The following MBLAC1 variants were observed in gnomAD, a reference collection of about 807,000 sequenced individuals.
MBLAC1 encodes the protein metallo-beta-lactamase domain containing 1, also known as metallo-beta-lactamase domain-containing protein 1.
Under a neutral mutation model 1.5 loss-of-function variants are expected in MBLAC1, and 1 was observed. The ratio of observed to expected loss-of-function variants is 0.68; its 90% confidence interval spans 0.24 to 3.21. MBLAC1 has a LOEUF of 3.21. Among genes scored for constraint, MBLAC1 ranks in the 30% most tolerant of loss-of-function variants. The pLI, the probability that MBLAC1 is intolerant of heterozygous loss-of-function variation, is 0.20. For synonymous variants in MBLAC1, 197 were observed against 191.3 expected (o/e 1.03, Z -0.25); for missense variants, 371 against 384.7 (o/e 0.96, Z 0.30).
Position 100,128,328 on chromosome 7 carries a change from GTGC to G in MBLAC1, c.*133_*135del. On this transcript the variant is annotated 3_prime_UTR_variant, in exon 2 of 2. Coordinates refer to ENST00000398075, the MANE Select transcript of MBLAC1 (RefSeq NM_203397.3). ...AGGCCAGTTTTCTAGTGAAGACAGA[GTGC>G]ACCTGACACTGCCATCACATCGTCA... is the stretch of plus-strand genomic sequence containing the variant. 1.5e-5 allele frequency: 11 copies of G among 755,954 alleles called. No individual in the cohort carries two copies. The highest frequency in any genetic ancestry group is 5.7e-5 in the South Asian group (3 of 52,916). 46.8% of individuals were successfully genotyped at this position (755,954 alleles called of 1,614,324 possible).
chr7:100,127,716 G>A lies in MBLAC1; in HGVS notation c.321G>A (p.Val107=). The change falls in exon 2 of 2, where the codon GTG becomes GTA. Residue 107 remains valine (V), a synonymous_variant. Transcript: ENST00000398075. The surrounding 1 kb of genome is among the most constrained non-coding windows in gnomAD (Gnocchi z 4.6). ...LAGQGVAPGD[V]TLVVGTHGHS... is the part of the protein sequence containing the mutation. The stretch of plus-strand genomic sequence containing the variant: ...GGCAGGGCGTGGCCCCGGGAGACGT[G>A]ACGCTAGTGGTGGGGACCCACGGGC... 6.8e-7 allele frequency: 1 copy of A among 1,461,342 alleles called. No individual in the cohort carries two copies. The allele number at this position is 1,461,342 out of a possible 1,614,324, so 90.5% of individuals were successfully genotyped here. A position where few individuals can be genotyped will look rare whatever the true frequency, so the allele number is the denominator to read the frequency against.
rs1421582445 is a variant in MBLAC1, at chr7:100,126,983, GA to G, written c.-108del. 2 of 168,114 alleles carry G rather than the reference GA, an allele frequency of 1.2e-5. No homozygotes were observed. Among genetic ancestry groups the G allele is most frequent in the African/African-American group, 4.8e-5 (2 of 42,046 alleles). The allele number at this position is 168,114 out of a possible 1,614,324, so 10.4% of individuals were successfully genotyped here. A position where few individuals can be genotyped will look rare whatever the true frequency, so the allele number is the denominator to read the frequency against. ...TCGGCCGCCATATCTGGGTACACGGGAACCGCAGAGGACAAACTCTCACCCG... is the reference window on the plus strand; with the variant it reads ...TCGGCCGCCATATCTGGGTACACGGGACCGCAGAGGACAAACTCTCACCCG... On this transcript the variant is annotated 5_prime_UTR_variant, in exon 1 of 2. Coordinates refer to ENST00000398075, the MANE Select transcript of MBLAC1 (RefSeq NM_203397.3).
In MBLAC1 at chr7:100,127,702, G is replaced by C. The variant is rs1798262758; in HGVS notation, c.307G>C (p.Ala103Pro). Residue 103 changes from alanine (A) to proline (P), a missense_variant, in exon 2 of 2, where the codon GCC becomes CCC. Ala to Pro is a conservative substitution (Grantham distance 27). Transcript: ENST00000398075. The surrounding 1 kb of genome is among the most constrained non-coding windows in gnomAD (Gnocchi z 4.6). ...GGGGGCGCTGGCGGGGCAGGGCGTG[G>C]CCCCGGGAGACGTGACGCTAGTGGT... The part of the protein sequence containing the change: ...LLGALAGQGV[A>P]PGDVTLVVGT... The C allele has an allele frequency of 6.9e-7, 1 of 1,442,614 alleles. No homozygotes were observed. The highest frequency in any genetic ancestry group is 9.1e-7 in the Non-Finnish European group (1 of 1,100,134). The allele number at this position is 1,442,614 out of a possible 1,614,324, so 89.4% of individuals were successfully genotyped here.
chr7:100,128,076 C>A lies in MBLAC1; in HGVS notation c.681C>A (p.Val227=). 2.5e-6 allele frequency: 4 copies of A among 1,611,612 alleles called. No individual in the cohort carries two copies. Among genetic ancestry groups the A allele is most frequent in the Non-Finnish European group, 2.5e-6 (3 of 1,179,124 alleles). The part of the protein sequence containing the change: ...RKRVLVVADV[V]VPGHGPPFRV... ...GGGTCCTGGTCGTTGCCGACGTGGT[C>A]GTACCTGGTCACGGGCCCCCCTTTC... The change falls in exon 2 of 2, where the codon GTC becomes GTA. Residue 227 remains valine (V), a synonymous_variant. Coordinates refer to ENST00000398075, the MANE Select transcript of MBLAC1 (RefSeq NM_203397.3).
Position 100,128,267 on chromosome 7 carries a change from G to T in MBLAC1, c.*71G>T. On this transcript the variant is annotated 3_prime_UTR_variant, in exon 2 of 2. Transcript: ENST00000398075. ...CGAAGAGCTGCTGGAGACAGAGTCA[G>T]AGCAGTCAAGGGTGGGAGCTTCCAG... is the stretch of plus-strand genomic sequence containing the variant. The T allele has an allele frequency of 5.6e-6, 8 of 1,433,492 alleles. No homozygotes were observed. The highest frequency in any genetic ancestry group is 6.6e-6 in the Non-Finnish European group (7 of 1,062,694). The allele number at this position is 1,433,492 out of a possible 1,614,324, so 88.8% of individuals were successfully genotyped here.
In MBLAC1 at chr7:100,127,846, G is replaced by T; in HGVS notation, c.451G>T (p.Glu151Ter). 3 of 1,562,694 alleles carry T rather than the reference G, an allele frequency of 1.9e-6. No homozygotes were observed. The highest frequency in any genetic ancestry group is 2.6e-6 in the Non-Finnish European group (3 of 1,152,606). The change falls in exon 2 of 2, where the codon GAG (glutamate) becomes TAG (stop). Residue 151 changes from glutamate (E) to a stop codon, truncating the protein, a stop_gained. Transcript: ENST00000398075. LOFTEE classifies it low-confidence loss of function (END_TRUNC). This position sits in a 1 kb window ranked among gnomAD's most constrained non-coding sequence, Gnocchi z 4.6. ...GGRYLPHGLG[E>*]GQPLRLGPGL... ...CCGCTACCTGCCCCACGGGCTGGGT[G>T]AGGGGCAGCCCCTGCGCCTGGGCCC...
chr7:100,127,225 G>T lies in MBLAC1; in HGVS notation c.-28-143G>T. On this transcript the variant is annotated intron_variant, in intron 1 of 1. Transcript: ENST00000398075. The surrounding 1 kb of genome is among the most constrained non-coding windows in gnomAD (Gnocchi z 4.6). ...AGGGAGTCTGGGCGATACCATTTTG[G>T]GCAGGGGTTGAGGGTGATACCAACT... is the stretch of plus-strand genomic sequence containing the variant. 1.6e-6 allele frequency: 1 copy of T among 622,452 alleles called. No homozygotes were observed. Among genetic ancestry groups the T allele is most frequent in the Non-Finnish European group, 2.7e-6 (1 of 373,642 alleles). The allele number at this position is 622,452 out of a possible 1,614,324, so 38.6% of individuals were successfully genotyped here. A position where few individuals can be genotyped will look rare whatever the true frequency, so the allele number is the denominator to read the frequency against.
Position 100,127,163 on chromosome 7 carries a change from G to C in MBLAC1, c.-29+99G>C. ...GTACCGCGAACGGAATGGGGCGGGG[G>C]CCGAGGACGCCGAGGGAGGGGCGGG... On this transcript the variant is annotated intron_variant, in intron 1 of 1. Transcript: ENST00000398075. The surrounding 1 kb of genome is among the most constrained non-coding windows in gnomAD (Gnocchi z 4.6). The C allele has an allele frequency of 1.8e-6, 1 of 540,610 alleles. No individual in the cohort carries two copies. The highest frequency in any genetic ancestry group is 3.3e-6 in the Non-Finnish European group (1 of 305,902). The allele number at this position is 540,610 out of a possible 1,614,324, so 33.5% of individuals were successfully genotyped here. A position where few individuals can be genotyped will look rare whatever the true frequency, so the allele number is the denominator to read the frequency against.
At position 100,127,786 on chromosome 7, in the gene MBLAC1, C is replaced by G; in HGVS notation, c.391C>G (p.Leu131Val). ...CTTGGGGCTGTTCCCAGGCGCGGCT[C>G]TGCTGGTCTCGCACGACTTCTGCCT... ...GNLGLFPGAALLVSHDFCLPG... is the reference protein window; with the variant it reads ...GNLGLFPGAAVLVSHDFCLPG... Residue 131 changes from leucine (L) to valine (V), a missense_variant, in exon 2 of 2, where the codon CTG becomes GTG. By Grantham distance (32) the Leu-to-Val change is conservative. Transcript: ENST00000398075. The surrounding 1 kb of genome is among the most constrained non-coding windows in gnomAD (Gnocchi z 4.6). The G allele has an allele frequency of 6.3e-7, 1 of 1,578,240 alleles. No homozygotes were observed. Among genetic ancestry groups the G allele is most frequent in the Non-Finnish European group, 8.6e-7 (1 of 1,162,470 alleles).
Position 100,127,370 on chromosome 7 carries a change from C to A in MBLAC1, c.-26C>A, listed in dbSNP as rs757203102. On this transcript the variant is annotated splice_region_variant and 5_prime_UTR_variant, in exon 2 of 2. Coordinates refer to ENST00000398075, the MANE Select transcript of MBLAC1 (RefSeq NM_203397.3). This position sits in a 1 kb window ranked among gnomAD's most constrained non-coding sequence, Gnocchi z 4.6. ...TGCTCCATTTCCTTTCTCCCCAGCCCGTCCCTCCCTGCCAGGAGCAGCCTC... is the reference window on the plus strand; with the variant it reads ...TGCTCCATTTCCTTTCTCCCCAGCCAGTCCCTCCCTGCCAGGAGCAGCCTC... 38 of 1,561,132 alleles carry A rather than the reference C, an allele frequency of 2.4e-5. No homozygotes were observed. Among genetic ancestry groups the A allele is most frequent in the Non-Finnish European group, 3.0e-5 (35 of 1,162,380 alleles).
chr7:100,127,947 G>T lies in MBLAC1; in HGVS notation c.552G>T (p.Leu184=). 1 of 1,601,440 alleles carries T rather than the reference G, an allele frequency of 6.2e-7. No homozygotes were observed. The highest frequency in any genetic ancestry group is 2.3e-5 in the East Asian group (1 of 44,188). ...DVSVVVAGTA[L]GTVVVAGDVF... Reference sequence around the variant, plus strand: ...GCGTGGTGGTGGCCGGCACGGCTCTGGGCACCGTGGTGGTGGCGGGAGATG... The same window carrying T: ...GCGTGGTGGTGGCCGGCACGGCTCTTGGCACCGTGGTGGTGGCGGGAGATG... The change falls in exon 2 of 2, where the codon CTG becomes CTT. Residue 184 remains leucine, a synonymous_variant. Transcript: ENST00000398075. This position sits in a 1 kb window ranked among gnomAD's most constrained non-coding sequence, Gnocchi z 4.6.
chr7:100,127,349 C>T lies in MBLAC1; in HGVS notation c.-28-19C>T, dbSNP rs1487101258. On this transcript the variant is annotated intron_variant, in intron 1 of 1. Transcript: ENST00000398075. This position sits in a 1 kb window ranked among gnomAD's most constrained non-coding sequence, Gnocchi z 4.6. ...AGGGACAGGACGGTCGCCCACTGCT[C>T]CATTTCCTTTCTCCCCAGCCCGTCC... 4.6e-6 allele frequency: 7 copies of T among 1,511,654 alleles called. No homozygotes were observed. Among genetic ancestry groups the T allele is most frequent in the Non-Finnish European group, 6.2e-6 (7 of 1,132,422 alleles). The allele number at this position is 1,511,654 out of a possible 1,614,324, so 93.6% of individuals were successfully genotyped here.
In MBLAC1 at chr7:100,127,875, G is replaced by A. The variant is rs968579828; in HGVS notation, c.480G>A (p.Gly160=). ...GGCAGCCCCTGCGCCTGGGCCCGGG[G>A]CTCGAGGTGTGGGCCACGCCGGGCC... ...GEGQPLRLGP[G]LEVWATPGHG... is the part of the protein sequence containing the mutation. The change falls in exon 2 of 2, where the codon GGG becomes GGA. Residue 160 remains glycine, a synonymous_variant. Transcript: ENST00000398075. This position sits in a 1 kb window ranked among gnomAD's most constrained non-coding sequence, Gnocchi z 4.6. 10 of 1,560,562 alleles carry A rather than the reference G, an allele frequency of 6.4e-6. 1 individual carries two copies. The highest frequency in any genetic ancestry group is 5.8e-5 in the Admixed American group (3 of 51,824).
Position 100,128,056 on chromosome 7 carries a change from CTGGTCGTTGCCGACG to C in MBLAC1, c.669_683del (p.Ala224_Val228del). The C allele has an allele frequency of 6.2e-7, 1 of 1,613,122 alleles. No individual in the cohort carries two copies. Among genetic ancestry groups the C allele is most frequent in the Admixed American group, 1.7e-5 (1 of 59,922 alleles). On this transcript the variant is annotated inframe_deletion, in exon 2 of 2. Coordinates refer to ENST00000398075, the MANE Select transcript of MBLAC1 (RefSeq NM_203397.3). ...CCAGGAGCGGAGCCGGAAGAGGGTC[CTGGTCGTTGCCGACG>C]TGGTCGTACCTGGTCACGGGCCCCC...
At position 100,128,138 on chromosome 7, in the gene MBLAC1, G is replaced by A. The variant is rs764601714; in HGVS notation, c.743G>A (p.Gly248Asp). The change falls in exon 2 of 2, where the codon GGT (glycine) becomes GAT (aspartate). Residue 248 changes from glycine (G) to aspartate (D), a missense_variant. Gly to Asp is a moderately conservative substitution (Grantham distance 94). Transcript: ENST00000398075. ...LREASQPETEGGGNSQQEPVV... is the reference protein window; with the variant it reads ...LREASQPETEDGGNSQQEPVV... ...GAAGCCTCGCAGCCCGAGACGGAGG[G>A]TGGAGGGAACAGCCAGCAGGAGCCG... The A allele has an allele frequency of 1.2e-6, 2 of 1,606,312 alleles. No homozygotes were observed. The highest frequency in any genetic ancestry group is 1.3e-5 in the African/African-American group (1 of 74,834).
Position 100,128,340 on chromosome 7 carries a change from CTG to C in MBLAC1, c.*145_*146del. 5.4e-5 allele frequency: 37 copies of C among 683,888 alleles called. No individual in the cohort carries two copies. Among genetic ancestry groups the C allele is most frequent in the Admixed American group, 1.8e-4 (6 of 33,708 alleles). The allele number at this position is 683,888 out of a possible 1,614,324, so 42.4% of individuals were successfully genotyped here. A position where few individuals can be genotyped will look rare whatever the true frequency, so the allele number is the denominator to read the frequency against. ...TAGTGAAGACAGAGTGCACCTGACA[CTG>C]CCATCACATCGTCAGTATCACTGCC... On this transcript the variant is annotated 3_prime_UTR_variant, in exon 2 of 2. Coordinates refer to ENST00000398075, the MANE Select transcript of MBLAC1 (RefSeq NM_203397.3).
Position 100,127,336 on chromosome 7 carries a change from G to A in MBLAC1, c.-28-32G>A. ...TGGGGGATCGCGGAGGGACAGGACG[G>A]TCGCCCACTGCTCCATTTCCTTTCT... On this transcript the variant is annotated intron_variant, in intron 1 of 1. Transcript: ENST00000398075. The surrounding 1 kb of genome is among the most constrained non-coding windows in gnomAD (Gnocchi z 4.6). 1.4e-6 allele frequency: 2 copies of A among 1,459,310 alleles called. No homozygotes were observed. Among genetic ancestry groups the A allele is most frequent in the South Asian group, 2.6e-5 (2 of 77,114 alleles). The allele number at this position is 1,459,310 out of a possible 1,614,324, so 90.4% of individuals were successfully genotyped here.
At position 100,127,839 on chromosome 7, in the gene MBLAC1, G is replaced by T; in HGVS notation, c.444G>T (p.Gly148=). 6.4e-7 allele frequency: 1 copy of T among 1,564,220 alleles called. No individual in the cohort carries two copies. The highest frequency in any genetic ancestry group is 8.7e-7 in the Non-Finnish European group (1 of 1,153,616). Residue 148 remains glycine (G), a synonymous_variant, in exon 2 of 2, where the codon GGG becomes GGT. Coordinates refer to ENST00000398075, the MANE Select transcript of MBLAC1 (RefSeq NM_203397.3). This position sits in a 1 kb window ranked among gnomAD's most constrained non-coding sequence, Gnocchi z 4.6. ...CCGGAGGCCGCTACCTGCCCCACGG[G>T]CTGGGTGAGGGGCAGCCCCTGCGCC... ...CLPGGRYLPH[G]LGEGQPLRLG...
chr7:100,128,160 G>C lies in MBLAC1; in HGVS notation c.765G>C (p.Glu255Asp). 2 of 1,602,660 alleles carry C rather than the reference G, an allele frequency of 1.2e-6. No homozygotes were observed. Among genetic ancestry groups the C allele is most frequent in the Non-Finnish European group, 1.7e-6 (2 of 1,174,858 alleles). ...ETEGGGNSQQ[E>D]PVVGDEEPAL... is the part of the protein sequence containing the mutation. ...AGGGTGGAGGGAACAGCCAGCAGGA[G>C]CCGGTGGTCGGAGACGAGGAGCCCG... Residue 255 changes from glutamate (E) to aspartate (D), a missense_variant, in exon 2 of 2, where the codon GAG becomes GAC. Transcript: ENST00000398075.
Sources: allele counts gnomAD v4.1 joint callset, GRCh38; gene constraint gnomAD v4.1.1; non-coding constraint Gnocchi (gnomAD v3.1); transcripts MANE v1.5; gene names NCBI Gene and HGNC (gene_info 2026-07-23, HGNC 2026-07-21).